The following TMTC4 variants were observed in gnomAD, a reference collection of about 807,000 sequenced individuals.
TMTC4 encodes the protein transmembrane O-mannosyltransferase targeting cadherins 4, also known as protein O-mannosyl-transferase TMTC4.
TMTC4 carries 65 observed loss-of-function variants against 86.0 expected under a neutral mutation model. That is an observed-to-expected ratio of 0.76 (90% CI 0.62 to 0.93). The LOEUF (loss-of-function observed/expected upper bound fraction) is 0.93, where lower values mean the gene tolerates loss of function less well. Among genes scored for constraint, TMTC4 ranks in the 40% least tolerant of loss-of-function variants. The pLI, the probability that TMTC4 is intolerant of heterozygous loss-of-function variation, is 0.00. For synonymous variants in TMTC4, 379 were observed against 382.5 expected (o/e 0.99, Z 0.11); for missense variants, 866 against 948.1 (o/e 0.91, Z 1.14).
intron 12 of TMTC4, among the ~76,000 whole-genome samples, chr13:100,633,180 C>T (rs748864362): frequency 2.0e-5 from 3 of 151,814 alleles, no homozygotes; most frequent in Admixed American, 6.6e-5. Flanking sequence ...GGCATAGTGG[C>T]GCATGCCTGT....
intron 2 of TMTC4, 54 bp downstream of exon 2, chr13:100,670,306 T>C (rs959231632): frequency 2.6e-5 from 41 of 1,590,480 alleles, no homozygotes; most frequent in South Asian, 5.8e-5. Context: ...CATCTTTCTA[T>C]AGCCTTCTGT....
At chr13:100,625,316 A>G (rs1594268513) in intron 15 of TMTC4, 1 of 598,680 alleles carries the variant, frequency 1.7e-6, no homozygotes, top group East Asian at 3.0e-5. Context: ...TGCGTGGGTG[A>G]CCTCTTAAAC....
intron 7 of TMTC4, among the ~76,000 whole-genome samples, chr13:100,639,344 C>G (rs971752780): frequency 7.9e-5 from 12 of 152,198 alleles, no homozygotes; most frequent in Admixed American, 5.9e-4. Context: ...CCATGTGAGA[C>G]ATGATCTTAG....
chr13:100,619,790 T>C (rs1233807649), intron 15 of TMTC4, among the ~76,000 whole-genome samples: 1 of 152,202 alleles, frequency 6.6e-6, no homozygotes, highest in Non-Finnish European at 1.5e-5. Context: ...CACTTAATTA[T>C]CTCTATTTGA....
At chr13:100,613,317 G>C (rs536135020) in intron 16 of TMTC4, among the ~76,000 whole-genome samples, 94 of 152,156 alleles carry the variant, frequency 6.2e-4, no homozygotes, top group African/African-American at 2.1e-3. Flanking sequence ...CCATGAGTGA[G>C]AGCATGTGAT....
rs555616693 is a variant in TMTC4, at chr13:100,648,085, C to T, written c.641-5774G>A. 6.6e-5 allele frequency among the ~76,000 whole-genome samples: 10 copies of T among 152,316 alleles called. No individual in the cohort carries two copies. In the South Asian group the frequency reaches 1.9e-3, roughly 28 times the overall value. On this transcript the variant is annotated intron_variant, in intron 6 of 18. Transcript: ENST00000342624. ...GAAAGATGAAGGTAATGTTTCTTTGCTGAAGAAGTGTCTTCAGTCTCAGCA... is the reference window on the plus strand; with the variant it reads ...GAAAGATGAAGGTAATGTTTCTTTGTTGAAGAAGTGTCTTCAGTCTCAGCA...
intron 7 of TMTC4, among the ~76,000 whole-genome samples, chr13:100,641,779 G>A (rs1194306112): frequency 1.3e-5 from 2 of 152,152 alleles, no homozygotes; most frequent in Non-Finnish European, 1.5e-5. Context: ...GAGCCATGGC[G>A]CCCGGCCCTG....
At chr13:100,669,945 C>T (rs111725434) in intron 2 of TMTC4, among the ~76,000 whole-genome samples, 54 of 152,198 alleles carry the variant, frequency 3.5e-4, no homozygotes, top group Admixed American at 1.9e-3. Context: ...GAGTGCCTAC[C>T]TTCTAGAGTT....
At chr13:100,667,318 AC>A (rs1886504037) in intron 3 of TMTC4, among the ~76,000 whole-genome samples, 1 of 152,082 alleles carries the variant, frequency 6.6e-6, no homozygotes, top group African/African-American at 2.4e-5. Flanking sequence ...AGTCCCAGCT[AC>A]TTGGGAGGCT....
chr13:100,675,039 C>T, upstream of TMTC4: 1 of 985,662 alleles, frequency 1.0e-6, no homozygotes. Flanking sequence ...CGCTAGTCGG[C>T]GGCGAAGGAG....
chr13:100,646,386 G>C (rs1883745303), intron 6 of TMTC4, among the ~76,000 whole-genome samples: 1 of 152,196 alleles, frequency 6.6e-6, no homozygotes, highest in African/African-American at 2.4e-5. Flanking sequence ...ACAAATCATG[G>C]AACCGCAGGT....
chr13:100,639,482 G>A (rs1874892367), intron 7 of TMTC4, among the ~76,000 whole-genome samples: 1 of 152,236 alleles, frequency 6.6e-6, no homozygotes, highest in South Asian at 2.1e-4. Flanking sequence ...AGGGGTGGCA[G>A]GTTCATGTGG....
chr13:100,605,024 C>G lies in TMTC4; in HGVS notation c.2253G>C (p.Lys751Asn). ...CAGCTTTCTTTTGCATTAGTTCTAG[C>G]TTTCTTCTCAGCAGACCGTAATTCT... ...TKENYGLLRRKLELMQKKAV is the reference protein window; with the variant it reads ...TKENYGLLRRNLELMQKKAV The change falls in exon 19 of 19, where the codon AAG becomes AAC. Residue 751 changes from lysine to asparagine, a missense_variant. Coordinates refer to ENST00000342624, the MANE Select transcript of TMTC4 (RefSeq NM_032813.5). The surrounding 1 kb of genome is among the most constrained non-coding windows in gnomAD (Gnocchi z 4.3). The G allele has an allele frequency of 6.2e-7, 1 of 1,613,860 alleles. No individual in the cohort carries two copies. Among genetic ancestry groups the G allele is most frequent in the Non-Finnish European group, 8.5e-7 (1 of 1,179,926 alleles).
chr13:100,674,541 AC>A (rs1300937371), intron 1 of TMTC4: 1 of 980,946 alleles, frequency 1.0e-6, no homozygotes, highest in African/African-American at 1.8e-5. Flanking sequence ...TGTGCGGCTC[AC>A]ACAGGGGCCC....
At position 100,625,558 on chromosome 13, in the gene TMTC4, A is replaced by C. The variant is rs759197273; in HGVS notation, c.1813T>G (p.Cys605Gly). ...ACCAGACGCCCGAGGTTGTAGTAAC[A>C]GTCTGGGTATTTCCTTCTGTGTTTA... is the stretch of plus-strand genomic sequence containing the variant. Reference protein sequence around the residue: ...AIKHRRKYPDCYYNLGRLYAD... With the variant: ...AIKHRRKYPDGYYNLGRLYAD... The change falls in exon 15 of 19, where the codon TGT becomes GGT. Residue 605 changes from cysteine to glycine, a missense_variant. Cys to Gly is a radical substitution (Grantham distance 159). Transcript: ENST00000342624. 1.9e-6 allele frequency: 3 copies of C among 1,614,182 alleles called. No individual in the cohort carries two copies. Among genetic ancestry groups the C allele is most frequent in the Non-Finnish European group, 8.5e-7 (1 of 1,180,044 alleles).
chr13:100,614,868 G>A (rs1878223068), intron 15 of TMTC4: 2 of 956,200 alleles, frequency 2.1e-6, no homozygotes, highest in African/African-American at 1.8e-5. Context: ...TGTTGATAAA[G>A]TATTACTTAG....
intron 4 of TMTC4, 67 bp from the exon 5 acceptor site, chr13:100,663,247 G>A: frequency 1.4e-6 from 2 of 1,391,246 alleles, no homozygotes; most frequent in Non-Finnish European, 2.0e-6. Context: ...CAAAGGTCTG[G>A]AGGAGAAGGC....
intron 17 of TMTC4, 147 bp from the exon 18 acceptor site, chr13:100,606,574 G>A (rs1052291088): frequency 1.5e-6 from 1 of 661,014 alleles, no homozygotes; most frequent in Non-Finnish European, 2.6e-6. Flanking sequence ...AGGCCCAGCG[G>A]GGCCACGCTC....
chr13:100,647,036 C>G (rs1265805884), intron 6 of TMTC4, among the ~76,000 whole-genome samples: 3 of 152,150 alleles, frequency 2.0e-5, no homozygotes, highest in Non-Finnish European at 4.4e-5. Flanking sequence ...AGCACAGCGT[C>G]CAGCTTACAA....
Sources: allele counts gnomAD v4.1 joint callset (sites outside exome capture counted in the v4.1 genomes callset), GRCh38; gene constraint gnomAD v4.1.1; non-coding constraint Gnocchi (gnomAD v3.1); transcripts MANE v1.5; gene names NCBI Gene and HGNC (gene_info 2026-07-23, HGNC 2026-07-21).